Variants in CACNB2 observed in about 807,000 individuals in gnomAD.
CACNB2 encodes calcium voltage-gated channel auxiliary subunit beta 2, also known as voltage-dependent L-type calcium channel subunit beta-2.
Under a neutral mutation model 73.3 loss-of-function variants are expected in CACNB2, and 42 were observed. The ratio of observed to expected loss-of-function variants is 0.57; its 90% CI spans 0.45 to 0.74. The LOEUF (loss-of-function observed/expected upper bound fraction) is 0.74, where lower values mean the gene tolerates loss of function less well. Among genes scored for constraint, CACNB2 ranks in the 30% least tolerant of loss-of-function variants. The pLI, the probability that CACNB2 is intolerant of heterozygous loss-of-function variation, is 0.00. For synonymous variants in CACNB2, 348 were observed against 310.3 expected (o/e 1.12, Z -1.28); for missense variants, 940 against 853.0 (o/e 1.10, Z -1.27).
intron 3 of CACNB2, among the ~76,000 whole-genome samples, chr10:18,493,872 G>T (rs1421461987): frequency 6.6e-6 from 1 of 152,176 alleles, no homozygotes; most frequent in Non-Finnish European, 1.5e-5. Context: ...GCATCCTGGG[G>T]TCTTTTATCT....
intron 2 of CACNB2, among the ~76,000 whole-genome samples, chr10:18,333,631 C>T (rs1457698076): frequency 3.3e-5 from 5 of 152,204 alleles, no homozygotes; most frequent in Non-Finnish European, 1.5e-5. Context: ...TGTGTACACA[C>T]ACACTAGAGT....
intron 2 of CACNB2, among the ~76,000 whole-genome samples, chr10:18,386,847 A>G (rs147052105): frequency 6.6e-6 from 1 of 152,356 alleles, no homozygotes; most frequent in East Asian, 1.9e-4. Flanking sequence ...TTAGATCCTC[A>G]GTGCCCAGCA....
intron 3 of CACNB2, among the ~76,000 whole-genome samples, chr10:18,460,775 A>C (rs1218702212): frequency 6.6e-6 from 1 of 151,828 alleles, no homozygotes; most frequent in Admixed American, 6.6e-5. Context: ...CTGTGGCCCC[A>C]GCTACTCAGG....
At chr10:18,391,272 G>A (rs145522988) in intron 2 of CACNB2, among the ~76,000 whole-genome samples, 22 of 152,238 alleles carry the variant, frequency 1.4e-4, no homozygotes, top group South Asian at 4.1e-4. Flanking sequence ...TTTATCATCC[G>A]TTCATCATGG....
intron 6 of CACNB2, among the ~76,000 whole-genome samples, chr10:18,510,522 C>G (rs1189154642): frequency 1.3e-5 from 2 of 152,146 alleles, no homozygotes; most frequent in Non-Finnish European, 2.9e-5. Flanking sequence ...AGGTTGGCCT[C>G]GAATTCCTGA....
chr10:18,241,581 A>AT (rs1285858390), intron 2 of CACNB2, among the ~76,000 whole-genome samples: 1 of 152,088 alleles, frequency 6.6e-6, no homozygotes, highest in African/African-American at 2.4e-5. Context: ...CTTGAAGTAT[A>AT]TTAAAAAAAA....
chr10:18,539,226 C>G lies in CACNB2; in HGVS notation c.1489-4C>G. 1 of 1,613,994 alleles carries G rather than the reference C, an allele frequency of 6.2e-7. No homozygotes were observed. The highest frequency in any genetic ancestry group is 8.5e-7 in the Non-Finnish European group (1 of 1,179,990). The stretch of plus-strand genomic sequence containing the variant: ...AACGCCTGGTGTGCTCCTTTCGCTG[C>G]CAGGGTTCTCAAGGTGATCAGAGGA... On this transcript the variant is annotated splice_polypyrimidine_tract_variant and splice_region_variant and intron_variant, in intron 13 of 13. Transcript: ENST00000324631.
At chr10:18,318,369 T>C (rs1474098309) in intron 2 of CACNB2, among the ~76,000 whole-genome samples, 1 of 152,120 alleles carries the variant, frequency 6.6e-6, no homozygotes, top group African/African-American at 2.4e-5. Context: ...AAACAAGCAA[T>C]GGGGAAAGGA....
chr10:18,150,537 C>A (rs556632172), intron 1 of CACNB2, among the ~76,000 whole-genome samples: 4 of 152,188 alleles, frequency 2.6e-5, no homozygotes, highest in Admixed American at 6.5e-5. Flanking sequence ...GTGGCACATG[C>A]TTGTAATCCC....
chr10:18,231,976 T>G (rs1350208324), intron 2 of CACNB2, among the ~76,000 whole-genome samples: 1 of 152,226 alleles, frequency 6.6e-6, no homozygotes, highest in African/African-American at 2.4e-5. Flanking sequence ...CCATGCAAAA[T>G]GTACTAACAC....
chr10:18,495,544 ACTGTG>A (rs1333299304), intron 3 of CACNB2, among the ~76,000 whole-genome samples: 5 of 123,688 alleles, frequency 4.0e-5, no homozygotes, highest in African/African-American at 1.7e-4. Flanking sequence ...AAGTATAAAA[ACTGTG>A]TGTGTGTGTG....
Position 18,273,004 on chromosome 10 carries a change from T to C in CACNB2, c.213+122029T>C, listed in dbSNP as rs540851631. ...AGGGATGGATCCTGATAATTTAATG[T>C]TTAATAATCTCTCAATGTGACTTCA... On this transcript the variant is annotated intron_variant, in intron 2 of 13. Coordinates refer to ENST00000324631, the MANE Select transcript of CACNB2 (RefSeq NM_201596.3). Among the ~76,000 whole-genome samples the C allele has an allele frequency of 1.5e-4, 23 of 152,304 alleles. No homozygotes were observed. The South Asian group carries it at 2.7e-3, about 18-fold the overall frequency.
At chr10:18,402,964 A>G (rs2044086646) in intron 3 of CACNB2, among the ~76,000 whole-genome samples, 2 of 152,174 alleles carry the variant, frequency 1.3e-5, no homozygotes, top group Non-Finnish European at 2.9e-5. Flanking sequence ...TGCTATGGGA[A>G]TTGTGGTTAG....
chr10:18,243,757 C>G (rs76584316), intron 2 of CACNB2, among the ~76,000 whole-genome samples: 1 of 152,164 alleles, frequency 6.6e-6, no homozygotes, highest in African/African-American at 2.4e-5. Flanking sequence ...TGATCCCCTT[C>G]CGGCTGCTGA....
rs139949199 is a variant in CACNB2 at position 18,163,548 on chromosome 10, A to G, written c.213+12573A>G. On this transcript the variant is annotated intron_variant, in intron 2 of 13. Coordinates refer to ENST00000324631, the MANE Select transcript of CACNB2 (RefSeq NM_201596.3). ...TACCTTGGAAGAGGGTTGCATCCCA[A>G]GAGCTGAGTTGGCCTCAGGCAGGGC... Among the ~76,000 whole-genome samples the G allele has an allele frequency of 5.6e-3, 853 of 152,306 alleles. 6 individuals are homozygous for G. Among genetic ancestry groups the G allele is most frequent in the African/African-American group, 0.017 (717 of 41,554 alleles).
At chr10:18,317,340 A>C (rs764577656) in intron 2 of CACNB2, among the ~76,000 whole-genome samples, 1 of 151,958 alleles carries the variant, frequency 6.6e-6, no homozygotes, top group Non-Finnish European at 1.5e-5. Flanking sequence ...TAAAGATCCC[A>C]TTGCCCAAGT....
In CACNB2 at chr10:18,541,688, CCG is replaced by C. The variant is rs1402695147; in HGVS notation, c.*1965_*1966del. ...CCAGCCTGGCCAACGTGGCGAAACCCCGTCTCTACTAAAAAGATAAAAAATTA... is the reference window on the plus strand; with the variant it reads ...CCAGCCTGGCCAACGTGGCGAAACCCTCTCTACTAAAAAGATAAAAAATTA... On this transcript the variant is annotated 3_prime_UTR_variant, in exon 14 of 14. Transcript: ENST00000324631. 1 of 152,030 alleles carries C rather than the reference CCG, an allele frequency of 6.6e-6. No individual in the cohort carries two copies. The highest frequency in any genetic ancestry group is 1.9e-4 in the East Asian group (1 of 5,156). The allele number at this position is 152,030 out of a possible 1,614,324, so 9.4% of individuals were successfully genotyped here. A position where few individuals can be genotyped will look rare whatever the true frequency, so the allele number is the denominator to read the frequency against.
At chr10:18,505,254 A>C (rs1589579384) in intron 5 of CACNB2, among the ~76,000 whole-genome samples, 1 of 152,196 alleles carries the variant, frequency 6.6e-6, no homozygotes, top group East Asian at 1.9e-4. Flanking sequence ...AGAAAAAAAA[A>C]AAAAACTTCT....
chr10:18,168,936 G>A (rs2033049321), intron 2 of CACNB2, among the ~76,000 whole-genome samples: 1 of 152,054 alleles, frequency 6.6e-6, no homozygotes, highest in South Asian at 2.1e-4. Flanking sequence ...CTTGATCTTG[G>A]AACTTTTTAA....
Sources: gnomAD v4.1 joint callset for allele counts (sites outside exome capture counted in the v4.1 genomes callset) on GRCh38, gnomAD v4.1.1 for gene constraint, MANE v1.5 for transcripts, NCBI Gene and HGNC (gene_info 2026-07-23, HGNC 2026-07-21) for gene names.